Variants in MEOX2 observed in about 807,000 individuals in gnomAD.
The protein encoded by MEOX2 is mesenchyme homeobox 2.
In MEOX2, 11 loss-of-function variants were observed where a neutral mutation model predicts 27.0. That is an observed-to-expected ratio of 0.41 (90% confidence interval 0.26 to 0.68). MEOX2 has a LOEUF of 0.68. Ranked by LOEUF, MEOX2 falls within the 30% of genes least tolerant of loss-of-function variation. MEOX2 has a pLI of 0.33. For missense variants in MEOX2, 436 were observed against 385.4 expected (o/e 1.13, Z -1.10); for synonymous variants, 189 against 155.4 (o/e 1.22, Z -1.61).
At chr7:15,680,122 G>A (rs563436277) in intron 1 of MEOX2, 2 of 151,942 alleles carry the variant, frequency 1.3e-5, no homozygotes, top group African/African-American at 4.8e-5. Flanking sequence ...CATGACCCAT[G>A]AAAATTAATA....
rs1782385666 is a variant in MEOX2 at position 15,686,378 on chromosome 7, G to A, written c.25C>T (p.Leu9=). Residue 9 remains leucine (L), a synonymous_variant, in exon 1 of 3, where the codon CTG becomes TTG. Coordinates refer to ENST00000262041, the MANE Select transcript of MEOX2 (RefSeq NM_005924.5). The part of the protein sequence containing the change: MEHPLFGC[L]RSPHATAQGL... The stretch of plus-strand genomic sequence containing the variant: ...TGCGCCGTGGCGTGAGGGCTGCGCA[G>A]GCAGCCAAAGAGCGGGTGTTCCATA... 6.3e-7 allele frequency: 1 copy of A among 1,581,286 alleles called. No individual in the cohort carries two copies. The highest frequency in any genetic ancestry group is 8.6e-7 in the Non-Finnish European group (1 of 1,163,042).
intron 2 of MEOX2, 131 bp downstream of exon 2, chr7:15,626,615 T>C (rs1450824844): frequency 3.7e-6 from 2 of 536,222 alleles, no homozygotes; most frequent in Non-Finnish European, 6.3e-6. Context: ...CAAAATTTTA[T>C]CATGGAATAG....
At chr7:15,639,643 T>C (rs972266820) in intron 1 of MEOX2, among the ~76,000 whole-genome samples, 2 of 152,102 alleles carry the variant, frequency 1.3e-5, no homozygotes, top group African/African-American at 2.4e-5. Context: ...TTTTTGTATA[T>C]AGTGAGAGAT....
chr7:15,684,962 G>T (rs1180757434), intron 1 of MEOX2, among the ~76,000 whole-genome samples: 1 of 152,244 alleles, frequency 6.6e-6, no homozygotes, highest in African/African-American at 2.4e-5. Context: ...AAGCACCAGA[G>T]GTCAGGAAGG....
intron 2 of MEOX2, among the ~76,000 whole-genome samples, chr7:15,613,617 T>C (rs1781069943): frequency 6.6e-6 from 1 of 152,100 alleles, no homozygotes; most frequent in South Asian, 2.1e-4. Flanking sequence ...TCCAAGTCTT[T>C]CTTAAAAAAG....
intron 1 of MEOX2, among the ~76,000 whole-genome samples, chr7:15,666,190 C>G (rs571629558): frequency 6.6e-6 from 1 of 152,216 alleles, no homozygotes; most frequent in Non-Finnish European, 1.5e-5. Context: ...AGTCAGTCCT[C>G]GAAACATGGG....
At chr7:15,617,722 C>T (rs1172059226) in intron 2 of MEOX2, among the ~76,000 whole-genome samples, 1 of 152,000 alleles carries the variant, frequency 6.6e-6, no homozygotes, top group African/African-American at 2.4e-5. Flanking sequence ...GGCTTAAGTC[C>T]TGTTTACAGG....
intron 1 of MEOX2, among the ~76,000 whole-genome samples, chr7:15,671,247 A>C (rs1413953149): frequency 2.6e-5 from 4 of 152,228 alleles, no homozygotes; most frequent in Admixed American, 2.6e-4. Context: ...ATTACTAGTC[A>C]GAAAAAAAGT....
chr7:15,678,005 C>T (rs1782229478), intron 1 of MEOX2, among the ~76,000 whole-genome samples: 1 of 152,088 alleles, frequency 6.6e-6, no homozygotes, highest in Non-Finnish European at 1.5e-5. Flanking sequence ...TTATAATTCC[C>T]TGAATTTTGA....
intron 1 of MEOX2, chr7:15,681,778 G>T (rs773860600): frequency 6.6e-6 from 1 of 151,678 alleles, no homozygotes; most frequent in African/African-American, 2.4e-5. Flanking sequence ...CATAAACAAA[G>T]ATTAAAACTT....
chr7:15,614,152 T>G (rs1781083851), intron 2 of MEOX2, among the ~76,000 whole-genome samples: 1 of 151,556 alleles, frequency 6.6e-6, no homozygotes. Context: ...CTAAGAGTTT[T>G]AAAGGTTGCC....
At chr7:15,649,915 A>T (rs942449458) in intron 1 of MEOX2, among the ~76,000 whole-genome samples, 2 of 152,118 alleles carry the variant, frequency 1.3e-5, no homozygotes, top group Non-Finnish European at 2.9e-5. Flanking sequence ...AGAGGTCTCC[A>T]TATTAAGCCA....
intron 1 of MEOX2, among the ~76,000 whole-genome samples, chr7:15,652,416 G>A (rs554207952): frequency 5.9e-5 from 9 of 151,976 alleles, no homozygotes; most frequent in Non-Finnish European, 1.2e-4. Flanking sequence ...AGTCATATAA[G>A]CAGGTCTTCT....
chr7:15,674,326 T>G (rs1397017620), intron 1 of MEOX2, among the ~76,000 whole-genome samples: 1 of 152,094 alleles, frequency 6.6e-6, no homozygotes, highest in Admixed American at 6.5e-5. Context: ...AATACTCACT[T>G]TGGGAGTCCT....
chr7:15,663,178 T>G (rs1781943981), intron 1 of MEOX2, among the ~76,000 whole-genome samples: 1 of 152,172 alleles, frequency 6.6e-6, no homozygotes, highest in Non-Finnish European at 1.5e-5. Flanking sequence ...AAATAACATT[T>G]TATTTTAAAA....
At chr7:15,649,974 A>G (rs536130359) in intron 1 of MEOX2, among the ~76,000 whole-genome samples, 43 of 152,178 alleles carry the variant, frequency 2.8e-4, no homozygotes, top group African/African-American at 8.4e-4. Context: ...AATTGCCACA[A>G]AGCAATTTGG....
chr7:15,662,015 C>A (rs1355971618), intron 1 of MEOX2, among the ~76,000 whole-genome samples: 1 of 152,034 alleles, frequency 6.6e-6, no homozygotes, highest in African/African-American at 2.4e-5. Context: ...TCATTTTCAT[C>A]TGAAGCAAGT....
At chr7:15,619,709 T>A (rs554866729) in intron 2 of MEOX2, among the ~76,000 whole-genome samples, 1 of 152,032 alleles carries the variant, frequency 6.6e-6, no homozygotes, top group African/African-American at 2.4e-5. Flanking sequence ...TGTCTACCTA[T>A]CTACATCAAA....
At chr7:15,616,892 G>A (rs1781132165) in intron 2 of MEOX2, among the ~76,000 whole-genome samples, 1 of 151,830 alleles carries the variant, frequency 6.6e-6, no homozygotes, top group Admixed American at 6.6e-5. Context: ...CTGCCCTTAA[G>A]GTATTCACGG....
Sources: allele counts gnomAD v4.1 joint callset (sites outside exome capture counted in the v4.1 genomes callset), GRCh38; gene constraint gnomAD v4.1.1; transcripts MANE v1.5; gene names NCBI Gene and HGNC (gene_info 2026-07-23, HGNC 2026-07-21).